Variants in ARCN1 observed in about 807,000 individuals in gnomAD.
The protein encoded by ARCN1 is coatomer subunit delta.
Under a neutral mutation model 60.4 loss-of-function variants are expected in ARCN1, and 5 were observed. That is an observed-to-expected ratio of 0.08 (90% CI 0.04 to 0.17). ARCN1 has a LOEUF of 0.17. ARCN1 is among the 10% of genes least tolerant of loss of function. ARCN1 has a pLI of 1.00. For missense variants in ARCN1, 464 were observed against 626.5 expected (o/e 0.74, Z 2.77); for synonymous variants, 224 against 220.0 (o/e 1.02, Z -0.16).
intron 1 of ARCN1, among the ~76,000 whole-genome samples, chr11:118,575,421 T>C (rs925332433): frequency 3.2e-4 from 49 of 152,174 alleles, no homozygotes; most frequent in South Asian, 1.0e-3. Context: ...GGTGTGTGTG[T>C]GTGTGTGTGT....
At position 118,602,001 on chromosome 11, in the gene ARCN1, G is replaced by A. The variant is rs1009077921; in HGVS notation, c.*1287G>A. On this transcript the variant is annotated 3_prime_UTR_variant, in exon 10 of 10. Transcript: ENST00000264028. ...CTCCCTCTTCCAGACTGCACTCTCT[G>A]TCATCAGTCCCCTCCTTTCTAACAG... 1.4e-5 allele frequency: 6 copies of A among 414,000 alleles called. No homozygotes were observed. Among genetic ancestry groups the A allele is most frequent in the African/African-American group, 8.0e-5 (4 of 49,816 alleles). 25.6% of individuals were successfully genotyped at this position (414,000 alleles called of 1,614,324 possible).
chr11:118,577,259 T>A lies in ARCN1; in HGVS notation c.4-3987T>A, dbSNP rs961836822. On this transcript the variant is annotated intron_variant, in intron 1 of 9. Coordinates refer to ENST00000264028, the MANE Select transcript of ARCN1 (RefSeq NM_001655.5). ...TTCTTTCTTTCTTTCTTTCTTTTTTTTTTTTGAGGCAGAGTCTCACTTTGT... is the reference window on the plus strand; with the variant it reads ...TTCTTTCTTTCTTTCTTTCTTTTTTATTTTTGAGGCAGAGTCTCACTTTGT... Among the ~76,000 whole-genome samples, 15 of 152,098 alleles carry A rather than the reference T, an allele frequency of 9.9e-5. 1 individual carries two copies. Among genetic ancestry groups the A allele is most frequent in the Admixed American group, 2.6e-4 (4 of 15,278 alleles).
In ARCN1 at chr11:118,584,398, G is replaced by A. The variant is rs572870221; in HGVS notation, c.654-82G>A. On this transcript the variant is annotated intron_variant, in intron 4 of 9. Coordinates refer to ENST00000264028, the MANE Select transcript of ARCN1 (RefSeq NM_001655.5). Reference sequence around the variant, plus strand: ...TGTGCACAGGTGTATTTCTCTGGACGGGAGATACAAAATTTTCATCAGATC... The same window carrying A: ...TGTGCACAGGTGTATTTCTCTGGACAGGAGATACAAAATTTTCATCAGATC... The A allele has an allele frequency of 1.6e-4, 210 of 1,324,608 alleles. No individual in the cohort carries two copies. In the Middle Eastern group the frequency reaches 2.1e-3, roughly 13 times the overall value. The allele number at this position is 1,324,608 out of a possible 1,614,324, so 82.1% of individuals were successfully genotyped here. A position where few individuals can be genotyped will look rare whatever the true frequency, so the allele number is the denominator to read the frequency against.
chr11:118,582,982 A>G (rs1478607001), intron 2 of ARCN1, among the ~76,000 whole-genome samples, 197 bp from the exon 3 acceptor site: 1 of 152,234 alleles, frequency 6.6e-6, no homozygotes, highest in Non-Finnish European at 1.5e-5. Flanking sequence ...TGGAGGTTGC[A>G]GTGAGCCGAG....
rs1565366603 is a variant in ARCN1, at chr11:118,597,730, T to C, written c.1265T>C (p.Ile422Thr). ...AGGTCTGGTGTCGGCGCGCCTGTTA[T>C]CGGTGAGATCGATGGGGAGTATCGA... is the stretch of plus-strand genomic sequence containing the variant. ...PLPSGVGAPV[I>T]GEIDGEYRHD... Residue 422 changes from isoleucine to threonine, a missense_variant, in exon 9 of 10, where the codon ATC becomes ACC. By Grantham distance (89) the Ile-to-Thr change is moderately conservative (BLOSUM62 -1). Around this residue, in one of 2 missense-constraint regions of ARCN1, gnomAD observed 359 missense variants for 440.2 expected, o/e 0.82. Transcript: ENST00000264028. 3 of 1,614,182 alleles carry C rather than the reference T, an allele frequency of 1.9e-6. No homozygotes were observed. The highest frequency in any genetic ancestry group is 2.5e-6 in the Non-Finnish European group (3 of 1,180,034).
intron 5 of ARCN1, among the ~76,000 whole-genome samples, chr11:118,588,048 T>A (rs1245743439): frequency 6.6e-6 from 1 of 152,200 alleles, no homozygotes; most frequent in Non-Finnish European, 1.5e-5. Context: ...GGAAAATAGA[T>A]GAGACCTTGT....
At chr11:118,580,024 A>C (rs1446210616) in intron 1 of ARCN1, among the ~76,000 whole-genome samples, 1 of 152,178 alleles carries the variant, frequency 6.6e-6, no homozygotes. Context: ...TATTCAACAC[A>C]TGAAATTGTG....
chr11:118,572,433 G>T lies in ARCN1; in HGVS notation c.-115G>T. The T allele has an allele frequency of 9.7e-7, 1 of 1,034,394 alleles. No individual in the cohort carries two copies. The highest frequency in any genetic ancestry group is 1.3e-6 in the Non-Finnish European group (1 of 752,736). 64.1% of individuals were successfully genotyped at this position (1,034,394 alleles called of 1,614,324 possible). A position where few individuals can be genotyped will look rare whatever the true frequency, so the allele number is the denominator to read the frequency against. On this transcript the variant is annotated 5_prime_UTR_variant, in exon 1 of 10. Transcript: ENST00000264028. ...CATCTTGGCAAGAGGCGAAGCGGCA[G>T]CGGTTCCTGTCAAGGGGGCAGCAGG...
chr11:118,584,676 T>G lies in ARCN1; in HGVS notation c.818+32T>G, dbSNP rs1555075213. On this transcript the variant is annotated intron_variant, in intron 5 of 9. Coordinates refer to ENST00000264028, the MANE Select transcript of ARCN1 (RefSeq NM_001655.5). The stretch of plus-strand genomic sequence containing the variant: ...AGGAACTTTGAGTAAGAATTCAAGC[T>G]TTGAATACAGTCCACATAATTTTTT... 4 of 1,545,674 alleles carry G rather than the reference T, an allele frequency of 2.6e-6. No individual in the cohort carries two copies. In the South Asian group the frequency reaches 4.9e-5, roughly 19 times the overall value.
At chr11:118,581,937 G>GACAGACAC (rs1555074708) in intron 2 of ARCN1, among the ~76,000 whole-genome samples, 7 of 140,810 alleles carry the variant, frequency 5.0e-5, no homozygotes, top group African/African-American at 1.8e-4. Flanking sequence ...CAGACAGACA[G>GACAGACAC]ACACACACAC....
At position 118,601,304 on chromosome 11, in the gene ARCN1, C is replaced by T. The variant is rs782127928; in HGVS notation, c.*590C>T. On this transcript the variant is annotated 3_prime_UTR_variant, in exon 10 of 10. Transcript: ENST00000264028. Reference sequence around the variant, plus strand: ...CGCGAACTCCTGAGCTCAGGCAATCCGCCCACCTCAGCCTCCCAAAGTGTT... The same window carrying T: ...CGCGAACTCCTGAGCTCAGGCAATCTGCCCACCTCAGCCTCCCAAAGTGTT... 2.0e-5 allele frequency: 8 copies of T among 394,350 alleles called. No homozygotes were observed. Among genetic ancestry groups the T allele is most frequent in the African/African-American group, 1.1e-4 (5 of 46,840 alleles). The allele number at this position is 394,350 out of a possible 1,614,324, so 24.4% of individuals were successfully genotyped here. A position where few individuals can be genotyped will look rare whatever the true frequency, so the allele number is the denominator to read the frequency against.
intron 9 of ARCN1, among the ~76,000 whole-genome samples, chr11:118,599,386 C>T (rs782642960): frequency 5.3e-5 from 8 of 151,010 alleles, no homozygotes; most frequent in Non-Finnish European, 7.4e-5. Context: ...TCACCGCGCT[C>T]GGCCCGGATC....
In ARCN1 at chr11:118,592,717, A is replaced by C; in HGVS notation, c.993A>C (p.Pro331=). ...TTTCCCTCTCATTCTAGACCCATCCAAATGTGGATAAAAAACTTTTCACTG... is the reference window on the plus strand; with the variant it reads ...TTTCCCTCTCATTCTAGACCCATCCCAATGTGGATAAAAAACTTTTCACTG... ...DKKGVQLQTH[P]NVDKKLFTAE... The change falls in exon 7 of 10, where the codon CCA becomes CCC. Residue 331 remains proline (P), a synonymous_variant. Transcript: ENST00000264028. The C allele has an allele frequency of 1.2e-6, 2 of 1,613,908 alleles. No homozygotes were observed. The highest frequency in any genetic ancestry group is 1.7e-6 in the Non-Finnish European group (2 of 1,179,858).
intron 2 of ARCN1, among the ~76,000 whole-genome samples, chr11:118,581,937 GACACACACACACACACACAC>G (rs34532442): frequency 2.1e-5 from 3 of 140,704 alleles, no homozygotes; most frequent in African/African-American, 7.8e-5. Flanking sequence ...CAGACAGACA[GACACACACACACACACACAC>G]ACACACACAC....
chr11:118,594,848 C>CTATTTT (rs755806729), intron 8 of ARCN1, among the ~76,000 whole-genome samples: 4 of 151,780 alleles, frequency 2.6e-5, no homozygotes, highest in African/African-American at 9.7e-5. Context: ...CCGCACCTGG[C>CTATTTT]TATTTTTATT....
At chr11:118,591,535 G>A (rs527383239) in intron 6 of ARCN1, among the ~76,000 whole-genome samples, 3 of 152,156 alleles carry the variant, frequency 2.0e-5, no homozygotes, top group Non-Finnish European at 4.4e-5. Flanking sequence ...GGGATTACAG[G>A]CACCTGCCAC....
chr11:118,580,871 G>A (rs1161458968), intron 1 of ARCN1, among the ~76,000 whole-genome samples: 1 of 152,044 alleles, frequency 6.6e-6, no homozygotes, highest in African/African-American at 2.4e-5. Flanking sequence ...GGTAGTTCAC[G>A]CCTATAATCC....
intron 5 of ARCN1, among the ~76,000 whole-genome samples, chr11:118,586,516 G>A (rs141299763): frequency 2.6e-5 from 4 of 152,234 alleles, no homozygotes; most frequent in Non-Finnish European, 5.9e-5. Context: ...GTGAGACAGA[G>A]GCTTCACACT....
chr11:118,573,612 G>A (rs1938409758), intron 1 of ARCN1: 1 of 693,744 alleles, frequency 1.4e-6, no homozygotes, highest in Non-Finnish European at 2.6e-6. Context: ...TTATTCTTTT[G>A]TCAATAGATA....
Sources: gnomAD v4.1 joint callset for allele counts (sites outside exome capture counted in the v4.1 genomes callset) on GRCh38, gnomAD v4.1.1 for gene constraint, gnomAD v4.1.1 regional missense constraint, MANE v1.5 for transcripts, NCBI Gene and HGNC (gene_info 2026-07-23, HGNC 2026-07-21) for gene names.